SETBP1: variants seen among roughly 807,000 people sequenced by gnomAD.
SETBP1 encodes SET-binding protein.
Under a neutral mutation model 101.0 loss-of-function variants are expected in SETBP1, and 9 were observed. The ratio of observed to expected loss-of-function variants is 0.09; its 90% confidence interval spans 0.05 to 0.16. The LOEUF (loss-of-function observed/expected upper bound fraction) is 0.16, where lower values mean the gene tolerates loss of function less well. Among genes scored for constraint, SETBP1 ranks in the 10% least tolerant of loss-of-function variants. SETBP1 has a pLI of 1.00. For synonymous variants in SETBP1, 818 were observed against 788.5 expected (o/e 1.04, Z -0.63); for missense variants, 1,858 against 2,033.8 (o/e 0.91, Z 1.66).
At position 45,033,650 on chromosome 18, in the gene SETBP1, T is replaced by A. The variant is rs149379752; in HGVS notation, c.4001-4835T>A. 4.6e-5 allele frequency among the ~76,000 whole-genome samples: 7 copies of A among 152,332 alleles called. No homozygotes were observed. In the East Asian group the frequency reaches 1.4e-3, roughly 29 times the overall value. On this transcript the variant is annotated intron_variant, in intron 4 of 5. Coordinates refer to ENST00000649279, the MANE Select transcript of SETBP1 (RefSeq NM_015559.3). ...TATCTACATTTGCAAATCTTAGAAT[T>A]ACAAAATTAATTAAACTGTTCAACA...
chr18:44,955,241 TTA>T (rs1174663283), intron 4 of SETBP1, among the ~76,000 whole-genome samples: 1 of 152,192 alleles, frequency 6.6e-6, no homozygotes, highest in African/African-American at 2.4e-5. Flanking sequence ...GTGCTTGCAT[TTA>T]TATCGCATTC....
At chr18:44,768,895 G>A (rs1404138856) in intron 2 of SETBP1, among the ~76,000 whole-genome samples, 4 of 152,216 alleles carry the variant, frequency 2.6e-5, no homozygotes, top group Non-Finnish European at 1.5e-5. Flanking sequence ...TGATAGAGTG[G>A]AATATGGGCA....
At chr18:44,866,501 A>G (rs1324085100) in intron 2 of SETBP1, among the ~76,000 whole-genome samples, 1 of 152,236 alleles carries the variant, frequency 6.6e-6, no homozygotes, top group Non-Finnish European at 1.5e-5. Flanking sequence ...TGCAAAATTT[A>G]CATAAGATAG....
In SETBP1 at chr18:44,852,484, C is replaced by T. The variant is rs148066501; in HGVS notation, c.487-16746C>T. Among the ~76,000 whole-genome samples, 231 of 152,258 alleles carry T rather than the reference C, an allele frequency of 1.5e-3. 1 individual carries two copies. The highest frequency in any genetic ancestry group is 5.4e-3 in the African/African-American group (224 of 41,548). ...TGCTTAAATGAATCCCCAGAGGGTC[C>T]GGGGGCTCTTCCCCTCCTCTATGCC... On this transcript the variant is annotated intron_variant, in intron 2 of 5. Coordinates refer to ENST00000649279, the MANE Select transcript of SETBP1 (RefSeq NM_015559.3).
chr18:44,705,869 A>G (rs1269130943), intron 2 of SETBP1, among the ~76,000 whole-genome samples: 1 of 152,194 alleles, frequency 6.6e-6, no homozygotes, highest in Non-Finnish European at 1.5e-5. Context: ...TTAAGTGGTA[A>G]GTTGTGAGGA....
chr18:44,992,157 G>A (rs1360916422), intron 4 of SETBP1, among the ~76,000 whole-genome samples: 3 of 151,980 alleles, frequency 2.0e-5, no homozygotes, highest in Non-Finnish European at 4.4e-5. Context: ...AAATAAGAAA[G>A]GCTAAAACAA....
intron 4 of SETBP1, among the ~76,000 whole-genome samples, chr18:45,019,973 T>A (rs1436708695): frequency 1.3e-5 from 2 of 152,162 alleles, no homozygotes; most frequent in African/African-American, 4.8e-5. Context: ...TAACATTTAG[T>A]TGTGAGACCT....
At chr18:44,893,090 C>T (rs1245327227) in intron 3 of SETBP1, among the ~76,000 whole-genome samples, 1 of 152,106 alleles carries the variant, frequency 6.6e-6, no homozygotes, top group African/African-American at 2.4e-5. Flanking sequence ...TCAAAAAAAG[C>T]TTGTGGTCAA....
intron 2 of SETBP1, among the ~76,000 whole-genome samples, chr18:44,738,411 C>T (rs1454909191): frequency 6.6e-6 from 1 of 152,174 alleles, no homozygotes; most frequent in Non-Finnish European, 1.5e-5. Context: ...TTCCATTTTA[C>T]TCAATTTCAT....
chr18:44,760,155 A>G (rs948114354), intron 2 of SETBP1, among the ~76,000 whole-genome samples: 1 of 152,152 alleles, frequency 6.6e-6, no homozygotes, highest in Non-Finnish European at 1.5e-5. Context: ...CTTGGTAAAC[A>G]CTGTTGCTGA....
intron 3 of SETBP1, among the ~76,000 whole-genome samples, chr18:44,924,318 G>T (rs1464265077): frequency 6.6e-6 from 1 of 152,174 alleles, no homozygotes; most frequent in Non-Finnish European, 1.5e-5. Flanking sequence ...CCACAGCCTA[G>T]GGCTTGGTGT....
At chr18:44,684,874 G>A (rs973001611) in intron 1 of SETBP1, among the ~76,000 whole-genome samples, 2 of 151,956 alleles carry the variant, frequency 1.3e-5, no homozygotes, top group Non-Finnish European at 1.5e-5. Flanking sequence ...CTTGAACTCC[G>A]GACATCAGGT....
chr18:44,991,407 C>G (rs2072375640), intron 4 of SETBP1, among the ~76,000 whole-genome samples: 1 of 151,706 alleles, frequency 6.6e-6, no homozygotes. Context: ...AAACATATAC[C>G]TAAAATATAT....
At chr18:44,727,096 C>T (rs892882640) in intron 2 of SETBP1, among the ~76,000 whole-genome samples, 3 of 151,508 alleles carry the variant, frequency 2.0e-5, no homozygotes, top group Non-Finnish European at 4.4e-5. Context: ...CCATAATGTT[C>T]GTTTGGGTAA....
At chr18:44,861,479 G>T (rs2850689) in intron 2 of SETBP1, among the ~76,000 whole-genome samples, 1 of 151,538 alleles carries the variant, frequency 6.6e-6, no homozygotes, top group Non-Finnish European at 1.5e-5. Flanking sequence ...TGATCTGCCC[G>T]CCTCGGCCTC....
intron 2 of SETBP1, among the ~76,000 whole-genome samples, chr18:44,840,788 C>A (rs567814299): frequency 6.6e-6 from 1 of 152,210 alleles, no homozygotes; most frequent in Non-Finnish European, 1.5e-5. Flanking sequence ...CTGGCAGTAC[C>A]TTTAGAATCA....
chr18:44,692,269 A>T (rs966794666), intron 1 of SETBP1, among the ~76,000 whole-genome samples: 24 of 152,226 alleles, frequency 1.6e-4, no homozygotes, highest in African/African-American at 4.8e-4. Flanking sequence ...TTCTTTCATA[A>T]TTATTATCTC....
chr18:44,726,617 G>T (rs1202066046), intron 2 of SETBP1, among the ~76,000 whole-genome samples: 1 of 152,170 alleles, frequency 6.6e-6, no homozygotes, highest in Non-Finnish European at 1.5e-5. Flanking sequence ...CCTCCCATTT[G>T]CAGATTAGAA....
chr18:44,954,055 T>A (rs546937614), intron 4 of SETBP1, among the ~76,000 whole-genome samples: 1 of 152,300 alleles, frequency 6.6e-6, no homozygotes, highest in East Asian at 1.9e-4. Flanking sequence ...TGTGTCTCTT[T>A]GCATGCCCAC....
Sources: gnomAD v4.1 joint callset for allele counts (sites outside exome capture counted in the v4.1 genomes callset) on GRCh38, gnomAD v4.1.1 for gene constraint, MANE v1.5 for transcripts, NCBI Gene and HGNC (gene_info 2026-07-23, HGNC 2026-07-21) for gene names.